Variants in LIFR observed in about 807,000 individuals in gnomAD.
The protein encoded by LIFR is leukemia inhibitory factor receptor.
In LIFR, 84 loss-of-function variants were observed where a neutral mutation model predicts 122.2. That is an observed-to-expected ratio of 0.69 (90% CI 0.58 to 0.82). The LOEUF (loss-of-function observed/expected upper bound fraction) is 0.82, where lower values mean the gene tolerates loss of function less well. LIFR is among the 40% of genes least tolerant of loss of function. LIFR has a pLI of 0.00. For synonymous variants in LIFR, 422 were observed against 434.7 expected, an observed-to-expected ratio of 0.97 and a Z score of 0.36; for missense variants, 1,294 against 1,311.6, an observed-to-expected ratio of 0.99 and a Z score of 0.21.
intron 18 of LIFR, among the ~76,000 whole-genome samples, chr5:38,484,472 C>T (rs559874604): frequency 6.6e-6 from 1 of 152,276 alleles, no homozygotes; most frequent in Non-Finnish European, 1.5e-5. Flanking sequence ...TTAAATTATG[C>T]TTAATCTTGT....
chr5:38,502,494 G>C (rs1299972231), intron 11 of LIFR, 143 bp downstream of exon 11: 1 of 658,052 alleles, frequency 1.5e-6, no homozygotes, highest in East Asian at 3.0e-5. Context: ...CCCAACCTCA[G>C]GTAATCTGCC....
intron 2 of LIFR, among the ~76,000 whole-genome samples, chr5:38,602,801 T>G (rs956261442): frequency 6.6e-6 from 1 of 152,156 alleles, no homozygotes; most frequent in Non-Finnish European, 1.5e-5. Context: ...GTTCGACAAT[T>G]ATCACACTGA....
chr5:38,539,454 C>T (rs1039163857), intron 1 of LIFR, among the ~76,000 whole-genome samples: 10 of 152,222 alleles, frequency 6.6e-5, no homozygotes, highest in Admixed American at 3.9e-4. Flanking sequence ...TCTAGGAGTG[C>T]TTTATATCCA....
intron 1 of LIFR, among the ~76,000 whole-genome samples, chr5:38,531,515 A>G (rs1747006934): frequency 1.3e-5 from 2 of 152,080 alleles, no homozygotes; most frequent in Admixed American, 1.3e-4. Context: ...AAAACTCTAA[A>G]TAGTGTCCTC....
chr5:38,533,224 A>T (rs1417053838), intron 1 of LIFR, among the ~76,000 whole-genome samples: 1 of 152,250 alleles, frequency 6.6e-6, no homozygotes, highest in East Asian at 1.9e-4. Flanking sequence ...AAGGGTGACC[A>T]GTTTGTTTCC....
intron 1 of LIFR, among the ~76,000 whole-genome samples, chr5:38,547,084 C>T (rs555052984): frequency 2.6e-5 from 4 of 152,264 alleles, no homozygotes; most frequent in African/African-American, 9.6e-5. Context: ...AAGCTAACTG[C>T]CAGTTCCAGT....
In LIFR at chr5:38,502,778, C is replaced by T; in HGVS notation, c.1459G>A (p.Val487Ile). The T allele has an allele frequency of 3.7e-6, 6 of 1,603,156 alleles. No individual in the cohort carries two copies. Among genetic ancestry groups the T allele is most frequent in the Non-Finnish European group, 5.1e-6 (6 of 1,171,070 alleles). Residue 487 changes from valine to isoleucine, a missense_variant, in exon 11 of 20, where the codon GTA becomes ATA. By Grantham distance (29) the Val-to-Ile change is conservative. Transcript: ENST00000453190. Reference sequence around the variant, plus strand: ...GCAACAAGATAACTTGAATTTTCTACTCCTTTGATTGTGACATTCCGCTAT... The same window carrying T: ...GCAACAAGATAACTTGAATTTTCTATTCCTTTGATTGTGACATTCCGCTAT... ...QEQRNVTIKG[V>I]ENSSYLVALD...
chr5:38,570,503 T>A (rs190143115), intron 1 of LIFR, among the ~76,000 whole-genome samples: 118 of 152,300 alleles, frequency 7.7e-4, no homozygotes, highest in Middle Eastern at 3.4e-3. Flanking sequence ...TGTGCTTTCC[T>A]GAGGCTTTTT....
In LIFR at chr5:38,510,385, C is replaced by G. The variant is rs990345526; in HGVS notation, c.991+79G>C. 8.4e-6 allele frequency: 11 copies of G among 1,308,408 alleles called. No homozygotes were observed. The African/African-American group carries it at 8.7e-5, about 10-fold the overall frequency. 81.0% of individuals were successfully genotyped at this position (1,308,408 alleles called of 1,614,324 possible). A position where few individuals can be genotyped will look rare whatever the true frequency, so the allele number is the denominator to read the frequency against. ...AAACAGAATCACTCCTCCCACCCCC[C>G]CACTCCAGAAGAATTAAGGCTTTCA... On this transcript the variant is annotated intron_variant, in intron 7 of 19. Coordinates refer to ENST00000453190, the MANE Select transcript of LIFR (RefSeq NM_001127671.2).
intron 5 of LIFR, 118 bp from the exon 6 acceptor site, chr5:38,512,082 C>T: frequency 1.0e-6 from 1 of 993,784 alleles, no homozygotes; most frequent in South Asian, 1.4e-5. Flanking sequence ...ATGTTTTGTC[C>T]TTTAATACAA....
At position 38,515,012 on chromosome 5, in the gene LIFR, G is replaced by A. The variant is rs72742536; in HGVS notation, c.562-3048C>T. ...CACAAAAATGAGGAAATAAGAGAAC[G>A]ACTGGAGATTTGGCAAAAAGAAGAT... On this transcript the variant is annotated intron_variant, in intron 5 of 19. Coordinates refer to ENST00000453190, the MANE Select transcript of LIFR (RefSeq NM_001127671.2). Among the ~76,000 whole-genome samples the A allele has an allele frequency of 7.3e-3, 1,111 of 152,254 alleles. 4 individuals carry two copies. Among genetic ancestry groups the A allele is most frequent in the Middle Eastern group, 0.031 (9 of 290 alleles).
At chr5:38,604,895 A>C (rs1750294652) in intron 2 of LIFR, among the ~76,000 whole-genome samples, 1 of 152,126 alleles carries the variant, frequency 6.6e-6, no homozygotes, top group Admixed American at 6.6e-5. Context: ...AGGGCAAGAC[A>C]ACTCAAAGGG....
At chr5:38,572,627 G>C (rs560223200) in intron 1 of LIFR, among the ~76,000 whole-genome samples, 6 of 152,168 alleles carry the variant, frequency 3.9e-5, no homozygotes, top group Non-Finnish European at 8.8e-5. Flanking sequence ...GTGCGGGCCT[G>C]AAGGGGGGTC....
At chr5:38,605,502 T>C (rs1018317996) in intron 2 of LIFR, among the ~76,000 whole-genome samples, 1 of 152,148 alleles carries the variant, frequency 6.6e-6, no homozygotes, top group African/African-American at 2.4e-5. Context: ...CATGTAGAAT[T>C]TAGAAGCAAG....
intron 12 of LIFR, among the ~76,000 whole-genome samples, chr5:38,498,438 GTGCCAACCTC>G (rs533813927): frequency 7.9e-4 from 120 of 152,134 alleles, no homozygotes; most frequent in African/African-American, 2.7e-3. Flanking sequence ...GCTGTTTTCA[GTGCCAACCTC>G]TCCCCTGAGC....
In LIFR at chr5:38,481,366, A is replaced by G; in HGVS notation, c.*229T>C. 1 of 580,090 alleles carries G rather than the reference A, an allele frequency of 1.7e-6. No homozygotes were observed. Among genetic ancestry groups the G allele is most frequent in the Non-Finnish European group, 3.1e-6 (1 of 325,828 alleles). 35.9% of individuals were successfully genotyped at this position (580,090 alleles called of 1,614,324 possible). A position where few individuals can be genotyped will look rare whatever the true frequency, so the allele number is the denominator to read the frequency against. On this transcript the variant is annotated 3_prime_UTR_variant, in exon 20 of 20. Coordinates refer to ENST00000453190, the MANE Select transcript of LIFR (RefSeq NM_001127671.2). Reference sequence around the variant, plus strand: ...ATGAGAATTCTTTGGCTTGATCACAAAGAGCTCCCAATCTTGAGTTTTGTG... The same window carrying G: ...ATGAGAATTCTTTGGCTTGATCACAGAGAGCTCCCAATCTTGAGTTTTGTG...
chr5:38,528,387 C>T (rs1204276507), intron 3 of LIFR, among the ~76,000 whole-genome samples: 1 of 152,198 alleles, frequency 6.6e-6, no homozygotes, highest in African/African-American at 2.4e-5. Context: ...CAGGCTCCCC[C>T]TTCTGGACTC....
In LIFR at chr5:38,580,067, C is replaced by A. The variant is rs116838217; in HGVS notation, c.-20+15194G>T. ...CACTTTTTTCCCCATTTATGGGAAT[C>A]TGTCATTTTAGAAGTTCATAAATAA... On this transcript the variant is annotated intron_variant, in intron 1 of 19. Coordinates refer to the LIFR transcript ENST00000263409. 6.8e-3 allele frequency among the ~76,000 whole-genome samples: 1,032 copies of A among 152,264 alleles called. 14 individuals carry two copies. Among genetic ancestry groups the A allele is most frequent in the African/African-American group, 0.024 (991 of 41,550 alleles).
chr5:38,538,378 T>C (rs1339781331), intron 1 of LIFR, among the ~76,000 whole-genome samples: 1 of 152,218 alleles, frequency 6.6e-6, no homozygotes, highest in Non-Finnish European at 1.5e-5. Flanking sequence ...AGATTAACCA[T>C]TCACTAGACA....
Sources: allele counts gnomAD v4.1 joint callset (sites outside exome capture counted in the v4.1 genomes callset), GRCh38; gene constraint gnomAD v4.1.1; transcripts MANE v1.5; gene names NCBI Gene and HGNC (gene_info 2026-07-23, HGNC 2026-07-21).